ABHD17C: variants seen among roughly 807,000 people sequenced by gnomAD.
ABHD17C encodes abhydrolase domain containing 17C, depalmitoylase.
A neutral mutation model predicts 27.9 loss-of-function variants in ABHD17C; 11 were observed. That is an observed-to-expected ratio of 0.39 (90% CI 0.25 to 0.65). ABHD17C has a LOEUF of 0.65. Among genes scored for constraint, ABHD17C ranks in the 30% least tolerant of loss-of-function variants. ABHD17C has a pLI of 0.45. For missense variants in ABHD17C, 280 were observed against 470.2 expected, an observed-to-expected ratio of 0.60 and a Z score of 3.74; for synonymous variants, 233 against 209.1, an observed-to-expected ratio of 1.11 and a Z score of -0.98.
At chr15:80,730,237 C>T (rs931198312) in intron 1 of ABHD17C, among the ~76,000 whole-genome samples, 1 of 152,192 alleles carries the variant, frequency 6.6e-6, no homozygotes, top group African/African-American at 2.4e-5. Context: ...CCACCTTGAA[C>T]CCTTTCCTTT....
rs577767496 is a variant in ABHD17C, at chr15:80,753,664, C to G, written c.771-487C>G. Among the ~76,000 whole-genome samples, 3 of 152,292 alleles carry G rather than the reference C, an allele frequency of 2.0e-5. No individual in the cohort carries two copies. The South Asian group carries it at 6.2e-4, about 32-fold the overall frequency. On this transcript the variant is annotated intron_variant, in intron 2 of 2. Coordinates refer to ENST00000258884, the MANE Select transcript of ABHD17C (RefSeq NM_021214.2). ...CAAGCAATTCTCCTGCCTCGGTCTTCCGAGTAGCTGAGATTACAGGCATGC... is the reference window on the plus strand; with the variant it reads ...CAAGCAATTCTCCTGCCTCGGTCTTGCGAGTAGCTGAGATTACAGGCATGC...
intron 1 of ABHD17C, among the ~76,000 whole-genome samples, chr15:80,710,237 G>A (rs1596061328): frequency 1.3e-5 from 2 of 152,292 alleles, no homozygotes; most frequent in East Asian, 1.9e-4. Context: ...GAAGCCAGCG[G>A]GGGGCTAGAG....
At chr15:80,714,035 C>A (rs1567032624) in intron 1 of ABHD17C, among the ~76,000 whole-genome samples, 1 of 152,082 alleles carries the variant, frequency 6.6e-6, no homozygotes, top group African/African-American at 2.4e-5. Context: ...CTCATCACAC[C>A]CCTGACCTCC....
At chr15:80,718,895 A>G (rs1466802627) in intron 1 of ABHD17C, among the ~76,000 whole-genome samples, 1 of 152,186 alleles carries the variant, frequency 6.6e-6, no homozygotes, top group Non-Finnish European at 1.5e-5. Context: ...GTCAGTCTGA[A>G]TAATGCCAGC....
chr15:80,731,568 G>A (rs982337802), intron 1 of ABHD17C, among the ~76,000 whole-genome samples: 3 of 149,950 alleles, frequency 2.0e-5, no homozygotes, highest in African/African-American at 4.9e-5. Flanking sequence ...GATAGATCAC[G>A]AGTAGAATGT....
At chr15:80,726,755 G>A (rs1055345979) in intron 1 of ABHD17C, among the ~76,000 whole-genome samples, 1 of 152,038 alleles carries the variant, frequency 6.6e-6, no homozygotes, top group African/African-American at 2.4e-5. Flanking sequence ...TCGATCTCCT[G>A]ACCTTGTGAT....
At chr15:80,720,162 G>T (rs78621755) in intron 1 of ABHD17C, among the ~76,000 whole-genome samples, 14,512 of 152,146 alleles carry the variant, frequency 0.095, 906 homozygotes, top group Middle Eastern at 0.2. Context: ...AGATGTTTCT[G>T]TCTTCTTTGT....
chr15:80,739,169 A>G (rs1232083332), intron 1 of ABHD17C, among the ~76,000 whole-genome samples: 1 of 152,192 alleles, frequency 6.6e-6, no homozygotes, highest in Non-Finnish European at 1.5e-5. Flanking sequence ...ATATTTATTA[A>G]GCACCTTTTG....
intron 1 of ABHD17C, among the ~76,000 whole-genome samples, chr15:80,701,678 CA>C (rs35847895): frequency 0.39 from 44,964 of 116,124 alleles, 8,053 homozygotes; most frequent in Non-Finnish European, 0.5. Context: ...GACTCCATCT[CA>C]AAAAAAAAAA....
chr15:80,732,510 A>G (rs1459354782), intron 1 of ABHD17C, among the ~76,000 whole-genome samples: 2 of 152,132 alleles, frequency 1.3e-5, no homozygotes, highest in Non-Finnish European at 2.9e-5. Context: ...TTTCATTTCT[A>G]TCCTGTGTTT....
chr15:80,699,429 AG>A (rs1297840797), intron 1 of ABHD17C, among the ~76,000 whole-genome samples: 2 of 152,002 alleles, frequency 1.3e-5, no homozygotes, highest in Non-Finnish European at 2.9e-5. Context: ...CAAAAAAAAA[AG>A]GGCCAGATGT....
chr15:80,751,681 C>T (rs1895368469), intron 2 of ABHD17C, among the ~76,000 whole-genome samples: 1 of 152,184 alleles, frequency 6.6e-6, no homozygotes, highest in Admixed American at 6.5e-5. Flanking sequence ...CCAGCTTTAT[C>T]TCTTTGAGGT....
chr15:80,728,242 G>T (rs1390914930), intron 1 of ABHD17C, among the ~76,000 whole-genome samples: 2 of 152,134 alleles, frequency 1.3e-5, no homozygotes, highest in Non-Finnish European at 1.5e-5. Context: ...TGCTGTTAAG[G>T]AGAGTGACTG....
intron 1 of ABHD17C, among the ~76,000 whole-genome samples, chr15:80,720,870 G>A (rs1347777033): frequency 2.7e-5 from 4 of 150,814 alleles, no homozygotes; most frequent in Admixed American, 6.6e-5. Context: ...GCAGTGAGCC[G>A]AGATCACGCC....
intron 1 of ABHD17C, among the ~76,000 whole-genome samples, chr15:80,696,405 C>T (rs1894495905): frequency 6.6e-6 from 1 of 152,206 alleles, no homozygotes; most frequent in African/African-American, 2.4e-5. Context: ...GCTGAAGTGA[C>T]CTTGGGCAAG....
intron 1 of ABHD17C, among the ~76,000 whole-genome samples, chr15:80,720,040 C>G (rs1183124409): frequency 3.9e-5 from 6 of 152,142 alleles, no homozygotes; most frequent in Non-Finnish European, 7.4e-5. Flanking sequence ...GCTCAAGAAG[C>G]CCTCCCACCT....
In ABHD17C at chr15:80,739,116, AGAG is replaced by A. The variant is rs1255950193; in HGVS notation, c.591-10393_591-10391del. 2.6e-5 allele frequency among the ~76,000 whole-genome samples: 4 copies of A among 152,358 alleles called. No individual in the cohort carries two copies. The East Asian group carries it at 5.8e-4, about 22-fold the overall frequency. ...TAGCTAATGTGGTATTAAGGGAACC[AGAG>A]GAGAACATTTTCAGAATGACATGAT... On this transcript the variant is annotated intron_variant, in intron 1 of 2. Coordinates refer to ENST00000258884, the MANE Select transcript of ABHD17C (RefSeq NM_021214.2).
At chr15:80,708,734 C>G (rs762006483) in intron 1 of ABHD17C, among the ~76,000 whole-genome samples, 5 of 152,202 alleles carry the variant, frequency 3.3e-5, no homozygotes, top group African/African-American at 4.8e-5. Context: ...AATGGGTACT[C>G]ATCGGATATT....
At chr15:80,753,115 G>C (rs566289784) in intron 2 of ABHD17C, among the ~76,000 whole-genome samples, 4 of 152,042 alleles carry the variant, frequency 2.6e-5, no homozygotes, top group Non-Finnish European at 4.4e-5. Context: ...AGCAAATTAA[G>C]TGTCCAGCTT....
Sources: allele counts gnomAD v4.1 joint callset (sites outside exome capture counted in the v4.1 genomes callset), GRCh38; gene constraint gnomAD v4.1.1; transcripts MANE v1.5; gene names NCBI Gene and HGNC (gene_info 2026-07-23, HGNC 2026-07-21).